STK38L: variants seen among roughly 807,000 people sequenced by gnomAD.
STK38L encodes the protein serine/threonine-protein kinase 38-like.
Under a neutral mutation model 59.7 loss-of-function variants are expected in STK38L, and 28 were observed. The observed-to-expected ratio is 0.47, with a 90% CI of 0.35 to 0.64. The LOEUF (loss-of-function observed/expected upper bound fraction) is 0.64. STK38L is among the 30% of genes least tolerant of loss of function. The pLI is 0.01. For missense variants in STK38L, 314 were observed against 555.8 expected, an observed-to-expected ratio of 0.56 and a Z score of 4.37; for synonymous variants, 162 against 176.8, an observed-to-expected ratio of 0.92 and a Z score of 0.66.
At chr12:27,305,423 TA>T (rs58113318) in intron 3 of STK38L, among the ~76,000 whole-genome samples, 48,857 of 151,982 alleles carry the variant, frequency 0.32, 9,217 homozygotes, top group African/African-American at 0.53. Flanking sequence ...TGTTTTTCTC[TA>T]AAAAATGTTT....
intron 1 of STK38L, among the ~76,000 whole-genome samples, chr12:27,285,142 G>C (rs1378786377): frequency 1.3e-5 from 2 of 152,170 alleles, no homozygotes; most frequent in African/African-American, 4.8e-5. Context: ...TACCCCCAAA[G>C]GACTGCTGCT....
chr12:27,254,561 G>A (rs1305792832), intron 1 of STK38L, among the ~76,000 whole-genome samples: 1 of 151,134 alleles, frequency 6.6e-6, no homozygotes, highest in East Asian at 1.9e-4. Flanking sequence ...TTTTTTTTCT[G>A]TCCTTTGGAT....
intron 1 of STK38L, among the ~76,000 whole-genome samples, chr12:27,292,661 C>A (rs888653024): frequency 2.0e-5 from 3 of 152,252 alleles, no homozygotes; most frequent in Admixed American, 6.5e-5. Flanking sequence ...GCTTTCATTA[C>A]AAAGATAAAT....
In STK38L at chr12:27,249,254, A is replaced by G. The variant is rs113734551; in HGVS notation, c.-12+4922A>G. Among the ~76,000 whole-genome samples, 350 of 152,318 alleles carry G rather than the reference A, an allele frequency of 2.3e-3. 5 individuals are homozygous for G. The highest frequency in any genetic ancestry group is 8.0e-3 in the African/African-American group (333 of 41,574). Reference sequence around the variant, plus strand: ...TGGTGACCTGATCATTCACAGTCATATTGTATAAATTCCAAACAGGCCTGG... The same window carrying G: ...TGGTGACCTGATCATTCACAGTCATGTTGTATAAATTCCAAACAGGCCTGG... On this transcript the variant is annotated intron_variant, in intron 1 of 13. Transcript: ENST00000389032.
intron 3 of STK38L, among the ~76,000 whole-genome samples, chr12:27,302,796 G>A (rs955546577): frequency 6.6e-6 from 1 of 151,888 alleles, no homozygotes; most frequent in Non-Finnish European, 1.5e-5. Flanking sequence ...TGAGGCGGGT[G>A]GATCACGAGG....
In STK38L at chr12:27,308,953, CAT is replaced by C. The variant is rs200749273; in HGVS notation, c.310-155_310-154del. Among the ~76,000 whole-genome samples, 15,784 of 142,582 alleles carry C rather than the reference CAT, an allele frequency of 0.11. 1,075 individuals carry two copies. Among genetic ancestry groups the C allele is most frequent in the Non-Finnish European group, 0.16 (10,594 of 65,566 alleles). 93.5% of individuals were successfully genotyped at this position (142,582 alleles called of 152,430 possible). A position where few individuals can be genotyped will look rare whatever the true frequency, so the allele number is the denominator to read the frequency against. On this transcript the variant is annotated intron_variant, in intron 4 of 13. Transcript: ENST00000389032. The surrounding 1 kb of genome is among the most constrained non-coding windows in gnomAD (Gnocchi z 4.5). ...AAAATATATATAAATATATATATAA[CAT>C]ATATAAAAATATATAGATATAAAAA...
At chr12:27,246,627 A>T (rs1452639898) in intron 1 of STK38L, among the ~76,000 whole-genome samples, 1 of 152,192 alleles carries the variant, frequency 6.6e-6, no homozygotes, top group African/African-American at 2.4e-5. Flanking sequence ...TAACTTTTTT[A>T]AAAAATTAAA....
intron 1 of STK38L, among the ~76,000 whole-genome samples, chr12:27,247,407 A>T (rs143699811): frequency 6.6e-6 from 1 of 152,366 alleles, no homozygotes; most frequent in African/African-American, 2.4e-5. Context: ...TGACTTGGGA[A>T]ATACATTCTT....
rs1243969664 is a variant in STK38L, at chr12:27,325,052, G to A, written c.*2597G>A. On this transcript the variant is annotated 3_prime_UTR_variant, in exon 14 of 14. Coordinates refer to ENST00000389032, the MANE Select transcript of STK38L (RefSeq NM_015000.4). ...AGATTTATCAATTTCCTGATTTAATGTAGACTTTGACTTTTTTATTAAAAA... is the reference window on the plus strand; with the variant it reads ...AGATTTATCAATTTCCTGATTTAATATAGACTTTGACTTTTTTATTAAAAA... 6.6e-6 allele frequency: 1 copy of A among 152,062 alleles called. No homozygotes were observed. The highest frequency in any genetic ancestry group is 2.4e-5 in the African/African-American group (1 of 41,444). 9.4% of individuals were successfully genotyped at this position (152,062 alleles called of 1,614,324 possible).
At chr12:27,289,520 A>G (rs1037827070) in intron 1 of STK38L, among the ~76,000 whole-genome samples, 15 of 152,374 alleles carry the variant, frequency 9.8e-5, no homozygotes, top group African/African-American at 3.6e-4. Flanking sequence ...AGTTTTGAAA[A>G]TGAAAATGCT....
intron 1 of STK38L, among the ~76,000 whole-genome samples, chr12:27,285,635 T>A (rs1437859834): frequency 6.6e-6 from 1 of 152,172 alleles, no homozygotes; most frequent in Admixed American, 6.5e-5. Context: ...CCACTCATCC[T>A]TTTCCTGCCT....
At chr12:27,290,511 T>C (rs992632003) in intron 1 of STK38L, among the ~76,000 whole-genome samples, 2 of 152,260 alleles carry the variant, frequency 1.3e-5, no homozygotes, top group African/African-American at 4.8e-5. Context: ...CTTTCTGTCC[T>C]TACTGATCAT....
chr12:27,318,293 C>A (rs1174687196), intron 11 of STK38L, among the ~76,000 whole-genome samples: 3 of 152,142 alleles, frequency 2.0e-5, no homozygotes, highest in Non-Finnish European at 4.4e-5. Flanking sequence ...TGACCTGATT[C>A]CATTAAAGAG....
Position 27,288,192 on chromosome 12 carries a change from C to T in STK38L, c.-11-9518C>T, listed in dbSNP as rs188181781. Among the ~76,000 whole-genome samples, 52 of 152,266 alleles carry T rather than the reference C, an allele frequency of 3.4e-4. 1 individual carries two copies. Among genetic ancestry groups the T allele is most frequent in the Admixed American group, 2.6e-3 (39 of 15,282 alleles). ...CTGCGCCCAGCCAAGTTTATTCTTA[C>T]ATATTTTATGAATGTTGTACTCCAT... On this transcript the variant is annotated intron_variant, in intron 1 of 13. Coordinates refer to ENST00000389032, the MANE Select transcript of STK38L (RefSeq NM_015000.4).
chr12:27,297,712 T>G lies in STK38L; in HGVS notation c.-9T>G. On this transcript the variant is annotated splice_region_variant and 5_prime_UTR_variant, in exon 2 of 14. Coordinates refer to ENST00000389032, the MANE Select transcript of STK38L (RefSeq NM_015000.4). Reference sequence around the variant, plus strand: ...TTTGTTTTTCTATGTTGTTTCAGTTTCCGTTACTATGGCAATGACGGCAGG... The same window carrying G: ...TTTGTTTTTCTATGTTGTTTCAGTTGCCGTTACTATGGCAATGACGGCAGG... 6.2e-7 allele frequency: 1 copy of G among 1,606,568 alleles called. No individual in the cohort carries two copies.
intron 1 of STK38L, chr12:27,245,950 G>A (rs1447341886): frequency 1.3e-5 from 2 of 152,056 alleles, no homozygotes; most frequent in African/African-American, 2.4e-5. Flanking sequence ...TCTTTTGAAA[G>A]GCCTTGCCAC....
chr12:27,278,794 G>T (rs543965696), intron 1 of STK38L, among the ~76,000 whole-genome samples: 1 of 152,112 alleles, frequency 6.6e-6, no homozygotes, highest in African/African-American at 2.4e-5. Context: ...AAATACCTTG[G>T]CAAAGTAGCT....
chr12:27,316,679 A>G (rs1944592727), intron 9 of STK38L, among the ~76,000 whole-genome samples: 1 of 152,228 alleles, frequency 6.6e-6, no homozygotes. Context: ...CATTTTTGTA[A>G]GATTTTATAT....
chr12:27,309,223 A>G (rs1312522566), intron 5 of STK38L, 26 bp downstream of exon 5: 1 of 1,523,604 alleles, frequency 6.6e-7, no homozygotes, highest in South Asian at 1.2e-5. Flanking sequence ...CACATGTAAT[A>G]TAAAGGAGCA....
Sources: allele counts gnomAD v4.1 joint callset (sites outside exome capture counted in the v4.1 genomes callset), GRCh38; gene constraint gnomAD v4.1.1; non-coding constraint Gnocchi (gnomAD v3.1); transcripts MANE v1.5; gene names NCBI Gene and HGNC (gene_info 2026-07-23, HGNC 2026-07-21).